PTPN14: variants seen among roughly 807,000 people sequenced by gnomAD.
The protein encoded by PTPN14 is protein tyrosine phosphatase non-receptor type 14.
A neutral mutation model predicts 126.8 loss-of-function variants in PTPN14; 53 were observed. The ratio of observed to expected loss-of-function variants is 0.42; its 90% confidence interval spans 0.34 to 0.53. PTPN14 has a LOEUF of 0.53. Among genes scored for constraint, PTPN14 ranks in the 20% least tolerant of loss-of-function variants. The pLI, the probability that PTPN14 is intolerant of heterozygous loss-of-function variation, is 0.08. For missense variants in PTPN14, 1,257 were observed against 1,552.9 expected, an observed-to-expected ratio of 0.81 and a Z score of 3.20; for synonymous variants, 630 against 599.3, an observed-to-expected ratio of 1.05 and a Z score of -0.75.
chr1:214,404,940 C>T (rs1236774040), intron 5 of PTPN14, among the ~76,000 whole-genome samples: 1 of 152,186 alleles, frequency 6.6e-6, no homozygotes, highest in Admixed American at 6.5e-5. Context: ...AAGACTACCC[C>T]CGGCCTACTC....
rs1452652829 is a variant in PTPN14, at chr1:214,349,999, G to T, written c.*7923C>A. On this transcript the variant is annotated 3_prime_UTR_variant, in exon 19 of 19. Transcript: ENST00000366956. The stretch of plus-strand genomic sequence containing the variant: ...AGCATTCTTGAGATTTTAGCAAAAG[G>T]CTCCGCCCCAAGCCACAAAAAGATC... The T allele has an allele frequency of 6.6e-6, 1 of 152,098 alleles. No individual in the cohort carries two copies. The highest frequency in any genetic ancestry group is 1.5e-5 in the Non-Finnish European group (1 of 68,020). The allele number at this position is 152,098 out of a possible 1,614,324, so 9.4% of individuals were successfully genotyped here.
In PTPN14 at chr1:214,461,665, G is replaced by A. The variant is rs574138416; in HGVS notation, c.174+2965C>T. Among the ~76,000 whole-genome samples the A allele has an allele frequency of 1.1e-4, 16 of 151,374 alleles. No individual in the cohort carries two copies. The South Asian group carries it at 3.2e-3, about 30-fold the overall frequency. On this transcript the variant is annotated intron_variant, in intron 2 of 18. Transcript: ENST00000366956. The stretch of plus-strand genomic sequence containing the variant: ...AAAAAAAAAGATTAAATATATTTTG[G>A]CTGGGTGTGTGGCTCACACCTGTAA...
chr1:214,510,314 C>A (rs6540846), intron 1 of PTPN14, among the ~76,000 whole-genome samples: 12,674 of 152,188 alleles, frequency 0.083, 762 homozygotes, highest in African/African-American at 0.17. Context: ...AAGCGTCTGA[C>A]ATATTGTGAG....
chr1:214,432,169 T>C (rs1010932198), intron 3 of PTPN14, among the ~76,000 whole-genome samples: 1 of 149,312 alleles, frequency 6.7e-6, no homozygotes, highest in Non-Finnish European at 1.5e-5. Flanking sequence ...ACAGCCTGGA[T>C]GAAAGAACAA....
At chr1:214,522,916 A>G (rs547553780) in intron 1 of PTPN14, among the ~76,000 whole-genome samples, 1 of 152,334 alleles carries the variant, frequency 6.6e-6, no homozygotes, top group South Asian at 2.1e-4. Context: ...AAGACTGAGG[A>G]GAAAGAAGGC....
intron 1 of PTPN14, among the ~76,000 whole-genome samples, chr1:214,468,172 A>G (rs1439798018): frequency 6.6e-6 from 1 of 152,230 alleles, no homozygotes; most frequent in Non-Finnish European, 1.5e-5. Context: ...AGGAGAATAG[A>G]TGGAATTGTG....
In PTPN14 at chr1:214,383,829, G is replaced by C; in HGVS notation, c.2026C>G (p.Pro676Ala). ...ARRNTLREQG[P>A]PEEGSGSHEV... ...TGGCTGCCTGACCCCTCCTCGGGCG[G>C]TCCCTGCTCCCGGAGCGTGTTGCGG... The change falls in exon 13 of 19, where the codon CCG (proline) becomes GCG (alanine). Residue 676 changes from proline (P) to alanine (A), a missense_variant. By Grantham distance (27) the Pro-to-Ala change is conservative (BLOSUM62 -1). Coordinates refer to ENST00000366956, the MANE Select transcript of PTPN14 (RefSeq NM_005401.5). The surrounding 1 kb of genome is among the most constrained non-coding windows in gnomAD (Gnocchi z 4.4). 6.2e-7 allele frequency: 1 copy of C among 1,612,418 alleles called. No homozygotes were observed. The highest frequency in any genetic ancestry group is 2.2e-5 in the East Asian group (1 of 44,888).
chr1:214,543,372 T>G (rs1033571341), intron 1 of PTPN14, among the ~76,000 whole-genome samples: 1 of 152,158 alleles, frequency 6.6e-6, no homozygotes, highest in Non-Finnish European at 1.5e-5. Flanking sequence ...TAGCAAAATA[T>G]TAAGAACCAT....
At chr1:214,497,852 A>G (rs867160055) in intron 1 of PTPN14, among the ~76,000 whole-genome samples, 2 of 152,078 alleles carry the variant, frequency 1.3e-5, no homozygotes, top group African/African-American at 2.4e-5. Context: ...CTTAGGGGGA[A>G]AAAAAAGGAA....
At chr1:214,453,043 G>GTA (rs1660305051) in intron 2 of PTPN14, among the ~76,000 whole-genome samples, 1 of 152,110 alleles carries the variant, frequency 6.6e-6, no homozygotes. Context: ...GACTTTACTA[G>GTA]AAAACCAGAC....
At chr1:214,380,378 C>T (rs1307745080) in intron 13 of PTPN14, among the ~76,000 whole-genome samples, 1 of 152,116 alleles carries the variant, frequency 6.6e-6, no homozygotes, top group Non-Finnish European at 1.5e-5. Context: ...CTCTTTGATC[C>T]TTCTCACTCA....
At chr1:214,453,278 A>G (rs943107605) in intron 2 of PTPN14, among the ~76,000 whole-genome samples, 4 of 152,216 alleles carry the variant, frequency 2.6e-5, no homozygotes, top group Non-Finnish European at 1.5e-5. Context: ...TTCTGACCCT[A>G]TTATTCATTT....
Position 214,376,222 on chromosome 1 carries a change from G to C in PTPN14, c.2904C>G (p.Ile968Met). 1 of 1,612,504 alleles carries C rather than the reference G, an allele frequency of 6.2e-7. No homozygotes were observed. The highest frequency in any genetic ancestry group is 8.5e-7 in the Non-Finnish European group (1 of 1,178,630). The change falls in exon 15 of 19, where the codon ATC (isoleucine) becomes ATG (methionine). Residue 968 changes from isoleucine (I) to methionine (M), a missense_variant. By Grantham distance (10) the Ile-to-Met change is conservative (BLOSUM62 1). Around this residue, in one of 3 missense-constraint regions of PTPN14, gnomAD observed 65 missense variants for 139.7 expected, o/e 0.47. Coordinates refer to ENST00000366956, the MANE Select transcript of PTPN14 (RefSeq NM_005401.5). ...TCTAACAGGCTTGCCTTCTTACCTT[G>C]ATGTGGGAGGCATTAATGTATCCTG... ...NNTGYINASH[I>M]KVVVGGAEWH...
At chr1:214,378,854 T>C (rs968971414) in intron 13 of PTPN14, among the ~76,000 whole-genome samples, 6 of 151,108 alleles carry the variant, frequency 4.0e-5, no homozygotes, top group South Asian at 2.1e-4. Context: ...CACTGAGCTA[T>C]GGGGGAACAT....
intron 1 of PTPN14, among the ~76,000 whole-genome samples, chr1:214,517,497 A>AAC (rs1175658800): frequency 1.3e-5 from 2 of 151,852 alleles, no homozygotes; most frequent in Non-Finnish European, 2.9e-5. Flanking sequence ...TAAAAAAAAA[A>AAC]AAAACATAAA....
chr1:214,368,400 C>G (rs1427183102), intron 17 of PTPN14, among the ~76,000 whole-genome samples: 1 of 151,998 alleles, frequency 6.6e-6, no homozygotes, highest in Non-Finnish European at 1.5e-5. Flanking sequence ...GGGGTTTCAC[C>G]ATGTTGGCCA....
chr1:214,487,281 A>G (rs1350004058), intron 1 of PTPN14, among the ~76,000 whole-genome samples: 1 of 152,076 alleles, frequency 6.6e-6, no homozygotes, highest in Admixed American at 6.5e-5. Flanking sequence ...GGAGGCAGGG[A>G]ACACCTTATG....
chr1:214,394,301 G>A (rs1658825499), intron 9 of PTPN14, among the ~76,000 whole-genome samples: 1 of 152,226 alleles, frequency 6.6e-6, no homozygotes, highest in Non-Finnish European at 1.5e-5. Context: ...CTAGAGTGCT[G>A]AGGAAGGCGG....
rs562122228 is a variant in PTPN14, at chr1:214,352,142, A to G, written c.*5780T>C. ...ATGGGAAGGCTAAAAACAAAGCTGC[A>G]AACGGTAGGAACTGATGCACATCCT... On this transcript the variant is annotated 3_prime_UTR_variant, in exon 19 of 19. Transcript: ENST00000366956. The G allele has an allele frequency of 6.6e-6, 1 of 152,360 alleles. No homozygotes were observed. Among genetic ancestry groups the G allele is most frequent in the South Asian group, 2.1e-4 (1 of 4,826 alleles). The allele number at this position is 152,360 out of a possible 1,614,324, so 9.4% of individuals were successfully genotyped here. A position where few individuals can be genotyped will look rare whatever the true frequency, so the allele number is the denominator to read the frequency against.
Sources: allele counts gnomAD v4.1 joint callset (sites outside exome capture counted in the v4.1 genomes callset), GRCh38; gene constraint gnomAD v4.1.1; regional missense constraint gnomAD v4.1.1; non-coding constraint Gnocchi (gnomAD v3.1); transcripts MANE v1.5; gene names NCBI Gene and HGNC (gene_info 2026-07-23, HGNC 2026-07-21).